Variants in RHBDD1 observed in about 807,000 individuals in gnomAD.
RHBDD1 encodes rhomboid domain containing 1.
RHBDD1 carries 38 observed loss-of-function variants against 36.3 expected under a neutral mutation model. The ratio of observed to expected loss-of-function variants is 1.05; its 90% confidence interval spans 0.81 to 1.37. The LOEUF is 1.37. Among genes scored for constraint, RHBDD1 ranks in the 40% most tolerant of loss-of-function variants. The probability of loss-of-function intolerance (pLI) is 0.00; values close to 1 mark genes in which losing one functional copy is unlikely to be tolerated. For missense variants in RHBDD1, 393 were observed against 377.6 expected (o/e 1.04, Z -0.34); for synonymous variants, 151 against 136.5 (o/e 1.11, Z -0.74).
intron 3 of RHBDD1, among the ~76,000 whole-genome samples, chr2:226,854,430 T>TA: frequency 6.6e-6 from 1 of 151,784 alleles, no homozygotes; most frequent in South Asian, 2.1e-4. Flanking sequence ...CTGTCTCTAC[T>TA]AAAAAATACA....
At chr2:226,981,380 TAAAG>T (rs1435941445) in intron 8 of RHBDD1, among the ~76,000 whole-genome samples, 1 of 146,714 alleles carries the variant, frequency 6.8e-6, no homozygotes, top group Non-Finnish European at 1.5e-5. Context: ...AATAAATAAA[TAAAG>T]GAGCTCATTG....
intron 8 of RHBDD1, among the ~76,000 whole-genome samples, chr2:226,967,098 C>G (rs184403682): frequency 6.6e-6 from 1 of 152,310 alleles, no homozygotes; most frequent in East Asian, 1.9e-4. Flanking sequence ...TGATGCAGAT[C>G]TGGAAATCAT....
intron 5 of RHBDD1, among the ~76,000 whole-genome samples, chr2:226,897,125 A>G (rs1947159600): frequency 6.6e-6 from 1 of 152,110 alleles, no homozygotes; most frequent in Non-Finnish European, 1.5e-5. Context: ...AAAATACCAA[A>G]TTCTTCCTGC....
At chr2:226,939,080 G>A (rs748432072) in intron 8 of RHBDD1, among the ~76,000 whole-genome samples, 30 of 151,952 alleles carry the variant, frequency 2.0e-4, no homozygotes, top group East Asian at 5.8e-4. Flanking sequence ...ATTCAACATC[G>A]CTTCATGTTA....
chr2:226,924,008 C>T (rs1173100227), intron 8 of RHBDD1, among the ~76,000 whole-genome samples: 1 of 152,074 alleles, frequency 6.6e-6, no homozygotes, highest in Non-Finnish European at 1.5e-5. Context: ...CTGCTGTGGC[C>T]AAGCTGGTAC....
At chr2:226,956,304 A>T (rs4129886) in intron 8 of RHBDD1, among the ~76,000 whole-genome samples, 11,888 of 152,140 alleles carry the variant, frequency 0.078, 516 homozygotes, top group East Asian at 0.18. Flanking sequence ...ACATATTATT[A>T]GCATTGATGT....
At chr2:226,924,206 A>G (rs1949518076) in intron 8 of RHBDD1, among the ~76,000 whole-genome samples, 1 of 152,122 alleles carries the variant, frequency 6.6e-6, no homozygotes, top group South Asian at 2.1e-4. Flanking sequence ...TCAGGTCCCT[A>G]GAGCCCTTTA....
intron 8 of RHBDD1, among the ~76,000 whole-genome samples, chr2:226,931,344 G>C (rs767894581): frequency 2.0e-5 from 3 of 152,060 alleles, no homozygotes; most frequent in African/African-American, 7.2e-5. Flanking sequence ...CAGCAACTTA[G>C]ATGGGGCTGC....
At chr2:226,936,725 A>G (rs946902249) in intron 8 of RHBDD1, among the ~76,000 whole-genome samples, 1 of 152,110 alleles carries the variant, frequency 6.6e-6, no homozygotes, top group Non-Finnish European at 1.5e-5. Context: ...TCATTCTGCT[A>G]CTCAACAGAA....
chr2:226,992,170 G>A (rs545219427), intron 8 of RHBDD1, among the ~76,000 whole-genome samples: 12 of 152,326 alleles, frequency 7.9e-5, no homozygotes, highest in African/African-American at 2.9e-4. Context: ...TGAATGCAAA[G>A]GTGGGGAAGT....
intron 6 of RHBDD1, 135 bp downstream of exon 6, chr2:226,907,016 C>CT: frequency 1.1e-6 from 1 of 913,400 alleles, no homozygotes; most frequent in East Asian, 2.6e-5. Context: ...CTTTTTAAAC[C>CT]GAAAGGTAAA....
intron 8 of RHBDD1, among the ~76,000 whole-genome samples, chr2:226,957,316 A>T (rs1951850743): frequency 6.6e-6 from 1 of 152,264 alleles, no homozygotes; most frequent in Non-Finnish European, 1.5e-5. Context: ...ATAGATGGAC[A>T]TCTTCATGAC....
intron 8 of RHBDD1, among the ~76,000 whole-genome samples, chr2:226,990,082 T>A (rs934852594): frequency 2.0e-5 from 3 of 152,236 alleles, no homozygotes; most frequent in Admixed American, 2.0e-4. Context: ...TAAGTTAATT[T>A]CACACTATTT....
At chr2:226,973,200 ATCT>A (rs1354220301) in intron 8 of RHBDD1, among the ~76,000 whole-genome samples, 1 of 152,206 alleles carries the variant, frequency 6.6e-6, no homozygotes, top group African/African-American at 2.4e-5. Flanking sequence ...TCCTTAAATG[ATCT>A]TCTTCCAAAC....
chr2:226,888,781 A>G (rs1162443645), intron 5 of RHBDD1, among the ~76,000 whole-genome samples: 1 of 152,172 alleles, frequency 6.6e-6, no homozygotes, highest in African/African-American at 2.4e-5. Context: ...TATGTCTACA[A>G]TTTGGTTTTG....
In RHBDD1 at chr2:226,969,144, G is replaced by A. The variant is rs1011286789; in HGVS notation, c.857-26287G>A. On this transcript the variant is annotated intron_variant, in intron 8 of 8. Transcript: ENST00000392062. The stretch of plus-strand genomic sequence containing the variant: ...AACACTGAGGTGTTTTATAGTCATG[G>A]TGGTGGTGGCAGTAGCATTGGTGAG... 1.9e-5 allele frequency: 3 copies of A among 159,884 alleles called. No individual in the cohort carries two copies. In the East Asian group the frequency reaches 5.0e-4, roughly 26 times the overall value. The allele number at this position is 159,884 out of a possible 1,614,324, so 9.9% of individuals were successfully genotyped here. A position where few individuals can be genotyped will look rare whatever the true frequency, so the allele number is the denominator to read the frequency against.
At chr2:226,850,244 C>G (rs187184357) in intron 3 of RHBDD1, among the ~76,000 whole-genome samples, 9 of 152,288 alleles carry the variant, frequency 5.9e-5, no homozygotes, top group Admixed American at 3.3e-4. Flanking sequence ...AGTCAGCCAT[C>G]TTAACCACCT....
At chr2:226,820,988 C>T in the RHBDD1 span, among the ~76,000 whole-genome samples, 1 of 152,160 alleles carries the variant, frequency 6.6e-6, no homozygotes, top group Non-Finnish European at 1.5e-5. Flanking sequence ...TCCCTCTGTT[C>T]CTCCAGGCTT....
chr2:226,805,235 G>A, the RHBDD1 span, among the ~76,000 whole-genome samples: 1 of 151,584 alleles, frequency 6.6e-6, no homozygotes, highest in African/African-American at 2.4e-5. Context: ...TTTGTTTTGA[G>A]GCAGAGTCTT....
Sources: gnomAD v4.1 joint callset for allele counts (sites outside exome capture counted in the v4.1 genomes callset) on GRCh38, gnomAD v4.1.1 for gene constraint, MANE v1.5 for transcripts, NCBI Gene and HGNC (gene_info 2026-07-23, HGNC 2026-07-21) for gene names.